RBFOX1: variants seen among roughly 807,000 people sequenced by gnomAD.
RBFOX1 encodes the protein RNA binding protein fox-1 homolog 1.
RBFOX1 carries 8 observed loss-of-function variants against 57.7 expected under a neutral mutation model. That is an observed-to-expected ratio of 0.14 (90% CI 0.08 to 0.25). The LOEUF is 0.25. Among genes scored for constraint, RBFOX1 ranks in the 10% least tolerant of loss-of-function variants. RBFOX1 has a pLI of 1.00. For synonymous variants in RBFOX1, 326 were observed against 222.4 expected (o/e 1.47, Z -4.15); for missense variants, 611 against 548.5 (o/e 1.11, Z -1.14).
At chr16:5,527,992 AG>A (rs911634785) in intron 2 of RBFOX1, among the ~76,000 whole-genome samples, 5 of 152,212 alleles carry the variant, frequency 3.3e-5, no homozygotes, top group Non-Finnish European at 4.4e-5. Context: ...ACAGCCCCTC[AG>A]AGCACCTAAT....
intron 2 of RBFOX1, among the ~76,000 whole-genome samples, chr16:6,355,963 A>G (rs1349551632): frequency 6.6e-6 from 1 of 152,212 alleles, no homozygotes; most frequent in Admixed American, 6.5e-5. Flanking sequence ...AACTTAAAGA[A>G]CTCCTAATGG....
At chr16:6,949,718 T>C (rs2080300145) in intron 3 of RBFOX1, among the ~76,000 whole-genome samples, 1 of 152,118 alleles carries the variant, frequency 6.6e-6, no homozygotes, top group African/African-American at 2.4e-5. Context: ...CCACATATAG[T>C]CACGTTAGGA....
intron 4 of RBFOX1, among the ~76,000 whole-genome samples, chr16:7,198,159 C>T (rs938586337): frequency 2.0e-5 from 3 of 152,136 alleles, no homozygotes; most frequent in Non-Finnish European, 4.4e-5. Context: ...GCACCCGCCA[C>T]CACAGCTGGC....
chr16:6,671,222 C>A (rs2098762850), intron 3 of RBFOX1, among the ~76,000 whole-genome samples: 1 of 152,154 alleles, frequency 6.6e-6, no homozygotes, highest in South Asian at 2.1e-4. Context: ...TTGGCAACAA[C>A]CTAAATGCTT....
intron 4 of RBFOX1, among the ~76,000 whole-genome samples, chr16:5,879,931 C>G (rs1035189953): frequency 3.3e-5 from 5 of 152,330 alleles, no homozygotes; most frequent in Admixed American, 6.5e-5. Flanking sequence ...TCCTTCTACT[C>G]ACAGTCCGCC....
chr16:5,879,575 C>T (rs562121954), intron 4 of RBFOX1, among the ~76,000 whole-genome samples: 2 of 152,204 alleles, frequency 1.3e-5, no homozygotes, highest in Non-Finnish European at 2.9e-5. Context: ...GGTGATCTGC[C>T]TCTTTTGGCC....
chr16:6,062,736 C>A (rs1304124711), intron 1 of RBFOX1, among the ~76,000 whole-genome samples: 1 of 151,654 alleles, frequency 6.6e-6, no homozygotes, highest in Non-Finnish European at 1.5e-5. Context: ...TATCTCAAGA[C>A]ATGTATCTCT....
At chr16:7,007,285 C>G (rs796494882) in intron 3 of RBFOX1, among the ~76,000 whole-genome samples, 3 of 152,294 alleles carry the variant, frequency 2.0e-5, no homozygotes, top group African/African-American at 7.2e-5. Flanking sequence ...ACTCTTCCAA[C>G]TCATAGTCAG....
chr16:6,355,197 C>G (rs2087070550), intron 2 of RBFOX1, among the ~76,000 whole-genome samples: 1 of 152,154 alleles, frequency 6.6e-6, no homozygotes, highest in Non-Finnish European at 1.5e-5. Context: ...AGTCTTGTTA[C>G]ATAGGTATAC....
At chr16:6,154,010 A>G (rs1342578475) in intron 1 of RBFOX1, among the ~76,000 whole-genome samples, 1 of 152,246 alleles carries the variant, frequency 6.6e-6, no homozygotes, top group East Asian at 1.9e-4. Context: ...ATCTGGTTTG[A>G]ATAGAGGCTG....
At chr16:7,069,831 T>G (rs1014685037) in intron 4 of RBFOX1, among the ~76,000 whole-genome samples, 2 of 152,182 alleles carry the variant, frequency 1.3e-5, no homozygotes, top group African/African-American at 4.8e-5. Context: ...TGTCTCAATT[T>G]CCATTCCCCA....
chr16:7,101,586 G>T (rs1032587070), intron 4 of RBFOX1, among the ~76,000 whole-genome samples: 1 of 152,132 alleles, frequency 6.6e-6, no homozygotes, highest in African/African-American at 2.4e-5. Flanking sequence ...TTTTGGAAAA[G>T]ATCATATGAC....
intron 4 of RBFOX1, among the ~76,000 whole-genome samples, chr16:7,295,340 T>G (rs1319534675): frequency 6.6e-6 from 1 of 152,194 alleles, no homozygotes; most frequent in African/African-American, 2.4e-5. Context: ...TTTGTTGGTC[T>G]CGTTTGTGTA....
intron 1 of RBFOX1, among the ~76,000 whole-genome samples, chr16:6,133,698 G>A (rs1366935470): frequency 6.6e-6 from 1 of 152,108 alleles, no homozygotes; most frequent in Non-Finnish European, 1.5e-5. Context: ...CGCCATCTCT[G>A]CATCCTCACC....
In RBFOX1 at chr16:5,470,962, C is replaced by T. The variant is rs9922804; in HGVS notation, c.258+3708C>T. Among the ~76,000 whole-genome samples the T allele has an allele frequency of 6.8e-3, 1,041 of 152,274 alleles. 15 individuals are homozygous for T. The highest frequency in any genetic ancestry group is 0.023 in the African/African-American group (973 of 41,542). Reference sequence around the variant, plus strand: ...CGCATCCTGGGTTCAAGCGATTCTACTGCCTCAGCCTCCTAAGTAGCTGGG... The same window carrying T: ...CGCATCCTGGGTTCAAGCGATTCTATTGCCTCAGCCTCCTAAGTAGCTGGG... On this transcript the variant is annotated intron_variant, in intron 2 of 2. Transcript: ENST00000585867.
chr16:5,655,819 G>A (rs1160179217), intron 3 of RBFOX1, among the ~76,000 whole-genome samples: 1 of 152,212 alleles, frequency 6.6e-6, no homozygotes, highest in African/African-American at 2.4e-5. Context: ...AGGTGCTGTT[G>A]AAGCCTCCAT....
chr16:5,669,966 T>A (rs371188874), intron 3 of RBFOX1, among the ~76,000 whole-genome samples: 1 of 152,146 alleles, frequency 6.6e-6, no homozygotes, highest in Non-Finnish European at 1.5e-5. Flanking sequence ...GATAAACACA[T>A]TGTGGTCTAT....
chr16:6,927,307 G>A (rs2075764268), intron 3 of RBFOX1, among the ~76,000 whole-genome samples: 1 of 150,684 alleles, frequency 6.6e-6, no homozygotes, highest in African/African-American at 2.4e-5. Flanking sequence ...CAGCTACTTG[G>A]GAGGTTGAGG....
chr16:5,454,872 TTC>T, intron 1 of RBFOX1, among the ~76,000 whole-genome samples: 1 of 99,368 alleles, frequency 1.0e-5, no homozygotes, highest in East Asian at 3.0e-4. Flanking sequence ...CTTTCTTTCT[TTC>T]TTTCTTTCTT....
Sources: allele counts gnomAD v4.1 joint callset (sites outside exome capture counted in the v4.1 genomes callset), GRCh38; gene constraint gnomAD v4.1.1; transcripts MANE v1.5; gene names NCBI Gene and HGNC (gene_info 2026-07-23, HGNC 2026-07-21).